Variants in HS6ST1 observed in about 807,000 individuals in gnomAD.
HS6ST1 encodes heparan sulfate 6-O-sulfotransferase 1.
HS6ST1 carries 3 observed loss-of-function variants against 25.2 expected under a neutral mutation model. That is an observed-to-expected ratio of 0.12 (90% CI 0.05 to 0.31). The LOEUF (loss-of-function observed/expected upper bound fraction) is 0.31, where lower values mean the gene tolerates loss of function less well. HS6ST1 is among the 10% of genes least tolerant of loss of function. HS6ST1 has a pLI of 1.00. For missense variants in HS6ST1, 310 were observed against 609.6 expected (o/e 0.51, Z 5.18); for synonymous variants, 204 against 275.1 (o/e 0.74, Z 2.56).
chr2:128,284,505 T>TTTTTTTTTTTTTC (rs1553456290), intron 1 of HS6ST1, among the ~76,000 whole-genome samples: 11 of 138,258 alleles, frequency 8.0e-5, no homozygotes, highest in African/African-American at 1.3e-4. Context: ...ATCGTCCCTC[T>TTTTTTTTTTTTTC]TTTTTTTTTT....
At chr2:128,287,299 A>G (rs961344994) in intron 1 of HS6ST1, among the ~76,000 whole-genome samples, 1 of 152,182 alleles carries the variant, frequency 6.6e-6, no homozygotes, top group Admixed American at 6.5e-5. Flanking sequence ...ACTCCCCCAG[A>G]GAAGGTGCAG....
rs1207098246 is a variant in HS6ST1, at chr2:128,267,044, T to A, written c.*1118A>T. On this transcript the variant is annotated 3_prime_UTR_variant, in exon 2 of 2. Coordinates refer to ENST00000259241, the MANE Select transcript of HS6ST1 (RefSeq NM_004807.3). ...GTTTTGCCAAGGCTAGTTGAGAATC[T>A]GAAAGCTCGAGTCCCAGTTCCTGGC... 6.6e-6 allele frequency: 1 copy of A among 152,214 alleles called. No homozygotes were observed. The highest frequency in any genetic ancestry group is 2.4e-5 in the African/African-American group (1 of 41,442). The allele number at this position is 152,214 out of a possible 1,614,324, so 9.4% of individuals were successfully genotyped here.
chr2:128,308,836 C>T (rs1262896544), intron 1 of HS6ST1, among the ~76,000 whole-genome samples: 1 of 152,230 alleles, frequency 6.6e-6, no homozygotes, highest in Non-Finnish European at 1.5e-5. Flanking sequence ...TCCCTGCAAA[C>T]CAACTAATTC....
intron 1 of HS6ST1, among the ~76,000 whole-genome samples, chr2:128,307,775 C>T (rs115929869): frequency 0.013 from 1,994 of 152,248 alleles, 36 homozygotes; most frequent in African/African-American, 0.046. Context: ...CCCAAACAAT[C>T]GGGAACCACG....
chr2:128,288,323 T>C (rs560651905), intron 1 of HS6ST1, among the ~76,000 whole-genome samples: 1 of 152,042 alleles, frequency 6.6e-6, no homozygotes, highest in Admixed American at 6.5e-5. Flanking sequence ...TGCCGGGGTG[T>C]GCAGTATTTG....
At chr2:128,277,740 T>C (rs116385618) in intron 1 of HS6ST1, among the ~76,000 whole-genome samples, 205 of 152,364 alleles carry the variant, frequency 1.3e-3, no homozygotes, top group African/African-American at 4.7e-3. Flanking sequence ...GTAATGGCCT[T>C]GAGTGTGAAA....
At chr2:128,286,450 G>A (rs1002290001) in intron 1 of HS6ST1, among the ~76,000 whole-genome samples, 9 of 152,210 alleles carry the variant, frequency 5.9e-5, no homozygotes, top group African/African-American at 2.2e-4. Flanking sequence ...CTGGCAAGGG[G>A]GCTGGGGAAT....
At chr2:128,269,483 G>A (rs1011789273) in intron 1 of HS6ST1, among the ~76,000 whole-genome samples, 6 of 152,152 alleles carry the variant, frequency 3.9e-5, no homozygotes, top group Admixed American at 6.5e-5. Context: ...AGGGAGAAAC[G>A]ACCCAAGGAA....
Position 128,267,893 on chromosome 2 carries a change from G to A in HS6ST1, c.*269C>T, listed in dbSNP as rs1693546116. ...AAGGAGGCCAGGAGAGCAGCTCCAGGCACAACACCTGCTCTGGAGGCCCTG... is the reference window on the plus strand; with the variant it reads ...AAGGAGGCCAGGAGAGCAGCTCCAGACACAACACCTGCTCTGGAGGCCCTG... On this transcript the variant is annotated 3_prime_UTR_variant, in exon 2 of 2. Coordinates refer to ENST00000259241, the MANE Select transcript of HS6ST1 (RefSeq NM_004807.3). 1 of 582,268 alleles carries A rather than the reference G, an allele frequency of 1.7e-6. No homozygotes were observed. The highest frequency in any genetic ancestry group is 3.1e-6 in the Non-Finnish European group (1 of 326,868). The allele number at this position is 582,268 out of a possible 1,614,324, so 36.1% of individuals were successfully genotyped here.
intron 1 of HS6ST1, among the ~76,000 whole-genome samples, chr2:128,287,196 A>G (rs1693876937): frequency 6.6e-6 from 1 of 151,998 alleles, no homozygotes; most frequent in Non-Finnish European, 1.5e-5. Flanking sequence ...GAAGCGCCCA[A>G]CCCCTCCTGG....
Position 128,282,685 on chromosome 2 carries a change from G to C in HS6ST1, c.528-13815C>G, listed in dbSNP as rs1248652291. ...GCTTGAGCCCCACCTCTGTGCCTCT[G>C]CAACTGCCCCAGCCCCTTCCTGCTC... On this transcript the variant is annotated intron_variant, in intron 1 of 1. Coordinates refer to ENST00000259241, the MANE Select transcript of HS6ST1 (RefSeq NM_004807.3). 3.9e-5 allele frequency among the ~76,000 whole-genome samples: 6 copies of C among 152,316 alleles called. No individual in the cohort carries two copies. In the East Asian group the frequency reaches 1.2e-3, roughly 29 times the overall value.
In HS6ST1 at chr2:128,318,548, C is replaced by G; in HGVS notation, c.16G>C (p.Ala6Pro). 6.7e-7 allele frequency: 1 copy of G among 1,487,902 alleles called. No individual in the cohort carries two copies. Among genetic ancestry groups the G allele is most frequent in the Non-Finnish European group, 8.9e-7 (1 of 1,126,900 alleles). 92.2% of individuals were successfully genotyped at this position (1,487,902 alleles called of 1,614,324 possible). Residue 6 changes from alanine to proline, a missense_variant, in exon 1 of 2, where the codon GCC (alanine) becomes CCC (proline). By Grantham distance (27) the Ala-to-Pro change is conservative. Coordinates refer to ENST00000259241, the MANE Select transcript of HS6ST1 (RefSeq NM_004807.3). This position sits in a 1 kb window ranked among gnomAD's most constrained non-coding sequence, Gnocchi z 5.7. MRRRR[A>P]GGRTMVERAS... ...CGCTCAACCATGGTCCTGCCGCCGG[C>G]GCGCCGCCGCCGCATGTGTCACCAT...
chr2:128,272,713 T>G (rs1192928720), intron 1 of HS6ST1, among the ~76,000 whole-genome samples: 1 of 151,948 alleles, frequency 6.6e-6, no homozygotes, highest in African/African-American at 2.4e-5. Flanking sequence ...TTGAAATGAC[T>G]CGGGTTTTTT....
At chr2:128,280,781 G>T (rs1208079187) in intron 1 of HS6ST1, among the ~76,000 whole-genome samples, 1 of 152,168 alleles carries the variant, frequency 6.6e-6, no homozygotes, top group Non-Finnish European at 1.5e-5. Flanking sequence ...CAGGTGCTGT[G>T]TGGGCACAGG....
At chr2:128,314,073 C>G (rs567282611) in intron 1 of HS6ST1, among the ~76,000 whole-genome samples, 29 of 152,264 alleles carry the variant, frequency 1.9e-4, no homozygotes, top group Admixed American at 7.2e-4. Context: ...CAGCCTGGTC[C>G]CCAGGTCCTG....
intron 1 of HS6ST1, among the ~76,000 whole-genome samples, chr2:128,294,348 C>T (rs549734345): frequency 6.6e-6 from 1 of 152,340 alleles, no homozygotes; most frequent in Admixed American, 6.5e-5. Flanking sequence ...CCATGAAGTG[C>T]CGCAGTCCCC....
At chr2:128,301,721 G>T (rs1694130383) in intron 1 of HS6ST1, among the ~76,000 whole-genome samples, 1 of 152,154 alleles carries the variant, frequency 6.6e-6, no homozygotes, top group African/African-American at 2.4e-5. Flanking sequence ...AACCCTGGGA[G>T]TTCTCCAGCC....
intron 1 of HS6ST1, among the ~76,000 whole-genome samples, chr2:128,270,188 G>A (rs1309289378): frequency 3.3e-5 from 5 of 152,218 alleles, no homozygotes; most frequent in African/African-American, 4.8e-5. Context: ...GCTGTCATCC[G>A]CCCAGTGTTT....
chr2:128,304,980 G>A (rs995493905), intron 1 of HS6ST1, among the ~76,000 whole-genome samples: 4 of 152,198 alleles, frequency 2.6e-5, no homozygotes, highest in African/African-American at 9.7e-5. Flanking sequence ...GGTGGCCCAG[G>A]GCAGTGCCTG....
Sources: gnomAD v4.1 joint callset for allele counts (sites outside exome capture counted in the v4.1 genomes callset) on GRCh38, gnomAD v4.1.1 for gene constraint, Gnocchi (gnomAD v3.1) non-coding constraint, MANE v1.5 for transcripts, NCBI Gene and HGNC (gene_info 2026-07-23, HGNC 2026-07-21) for gene names.